Variants in SLC13A2 observed in about 807,000 individuals in gnomAD.
The protein encoded by SLC13A2 is solute carrier family 13 member 2.
Under a neutral mutation model 58.5 loss-of-function variants are expected in SLC13A2, and 40 were observed. The observed-to-expected ratio is 0.68, with a 90% CI of 0.53 to 0.89. The LOEUF is 0.89. Ranked by LOEUF, SLC13A2 falls within the 40% of genes least tolerant of loss-of-function variation. SLC13A2 has a pLI of 0.00. For synonymous variants in SLC13A2, 341 were observed against 331.6 expected, an observed-to-expected ratio of 1.03 and a Z score of -0.31; for missense variants, 694 against 772.6, an observed-to-expected ratio of 0.90 and a Z score of 1.21.
rs562463025 is a variant in SLC13A2 at position 28,477,990 on chromosome 17, G to A, written c.102+4176G>A. On this transcript the variant is annotated intron_variant, in intron 1 of 11. Coordinates refer to ENST00000314669, the MANE Select transcript of SLC13A2 (RefSeq NM_003984.4). ...GGAGAATCGCTTGAACCCGGGAGGC[G>A]GAGGTTGCAGTGAGCTGAGATTGTG... is the stretch of plus-strand genomic sequence containing the variant. Among the ~76,000 whole-genome samples, 9 of 152,154 alleles carry A rather than the reference G, an allele frequency of 5.9e-5. No homozygotes were observed. The South Asian group carries it at 8.3e-4, about 14-fold the overall frequency.
intron 6 of SLC13A2, among the ~76,000 whole-genome samples, chr17:28,492,932 C>T (rs1360593954): frequency 2.6e-5 from 4 of 152,030 alleles, no homozygotes; most frequent in African/African-American, 9.7e-5. Flanking sequence ...TGTAAGGAAG[C>T]TGGATTAAGG....
rs1488673295 is a variant in SLC13A2 at position 28,495,702 on chromosome 17, G to A, written c.1356G>A (p.Gln452=). 1.2e-6 allele frequency: 2 copies of A among 1,612,396 alleles called. No individual in the cohort carries two copies. The highest frequency in any genetic ancestry group is 1.7e-6 in the Non-Finnish European group (2 of 1,179,966). ...EWLGNKLTPL[Q]SVPAPAIAII... ...TGGGAAACAAGCTGACCCCACTGCAGAGTGTGCCAGCTCCAGCCATTGCCA... is the reference window on the plus strand; with the variant it reads ...TGGGAAACAAGCTGACCCCACTGCAAAGTGTGCCAGCTCCAGCCATTGCCA... Residue 452 remains glutamine (Q), a synonymous_variant, in exon 10 of 12, where the codon CAG becomes CAA. Coordinates refer to ENST00000314669, the MANE Select transcript of SLC13A2 (RefSeq NM_003984.4).
rs2069160291 is a variant in SLC13A2 at position 28,497,123 on chromosome 17, A to G, written c.1633A>G (p.Ile545Val). The change falls in exon 12 of 12, where the codon ATC becomes GTC. Residue 545 changes from isoleucine to valine, a missense_variant. Coordinates refer to ENST00000314669, the MANE Select transcript of SLC13A2 (RefSeq NM_003984.4). ...DMARAGFLLNIIGVLIIALAI... is the reference protein window; with the variant it reads ...DMARAGFLLNVIGVLIIALAI... ...GGCCCGGGCAGGATTCCTCCTCAAC[A>G]TCATTGGAGTCCTGATCATCGCACT... is the stretch of plus-strand genomic sequence containing the variant. 4 of 1,614,060 alleles carry G rather than the reference A, an allele frequency of 2.5e-6. No homozygotes were observed. The highest frequency in any genetic ancestry group is 1.7e-5 in the Admixed American group (1 of 60,018).
chr17:28,479,513 G>T (rs1445718069), intron 1 of SLC13A2, among the ~76,000 whole-genome samples: 1 of 152,174 alleles, frequency 6.6e-6, no homozygotes, highest in Admixed American at 6.5e-5. Context: ...CTCAGGGGTT[G>T]TTCAGCTAGT....
Position 28,496,733 on chromosome 17 carries a change from G to T in SLC13A2, c.1608+146G>T. ...GAATGAAGGTGCAGTTGGGGAGGTT[G>T]GGACATGACCTCTCAGTGGTGGCAT... On this transcript the variant is annotated intron_variant, in intron 11 of 11. Transcript: ENST00000314669. The surrounding 1 kb of genome is among the most constrained non-coding windows in gnomAD (Gnocchi z 4.2). The T allele has an allele frequency of 8.6e-7, 1 of 1,162,342 alleles. No homozygotes were observed. Among genetic ancestry groups the T allele is most frequent in the Non-Finnish European group, 1.2e-6 (1 of 840,660 alleles). 72.0% of individuals were successfully genotyped at this position (1,162,342 alleles called of 1,614,324 possible).
At chr17:28,475,028 C>T (rs1428717409) in intron 1 of SLC13A2, among the ~76,000 whole-genome samples, 5 of 152,172 alleles carry the variant, frequency 3.3e-5, no homozygotes, top group African/African-American at 1.2e-4. Flanking sequence ...TTTGAGATGA[C>T]CTTCATCTCA....
chr17:28,477,844 G>T (rs1217661173), intron 1 of SLC13A2, among the ~76,000 whole-genome samples: 4 of 151,910 alleles, frequency 2.6e-5, no homozygotes, highest in African/African-American at 9.7e-5. Flanking sequence ...GATCACCTGA[G>T]GTCAGGAGTT....
chr17:28,479,010 G>T (rs1051090497), intron 1 of SLC13A2, among the ~76,000 whole-genome samples: 2 of 152,112 alleles, frequency 1.3e-5, no homozygotes, highest in Admixed American at 6.5e-5. Flanking sequence ...TTGAGTTCAG[G>T]AGTTCAAGAC....
At chr17:28,487,480 C>T (rs2151454089) in intron 1 of SLC13A2, 1 of 917,780 alleles carries the variant, frequency 1.1e-6, no homozygotes, top group South Asian at 5.0e-5. Context: ...ATTTGAAGCA[C>T]ATAGAATATG....
chr17:28,494,176 C>A lies in SLC13A2; in HGVS notation c.1186+71C>A. ...GCCTTCAAGTATGTAATGTACCTTC[C>A]ACCACACTTGGCAGGAGTAGGCAAA... On this transcript the variant is annotated intron_variant, in intron 8 of 11. Transcript: ENST00000314669. The surrounding 1 kb of genome is among the most constrained non-coding windows in gnomAD (Gnocchi z 4.0). 1 of 1,510,278 alleles carries A rather than the reference C, an allele frequency of 6.6e-7. No homozygotes were observed. The highest frequency in any genetic ancestry group is 9.2e-7 in the Non-Finnish European group (1 of 1,088,576). 93.6% of individuals were successfully genotyped at this position (1,510,278 alleles called of 1,614,324 possible).
rs1366987308 is a variant in SLC13A2 at position 28,496,803 on chromosome 17, G to T, written c.1608+216G>T. 6.6e-6 allele frequency among the ~76,000 whole-genome samples: 1 copy of T among 152,202 alleles called. No homozygotes were observed. The highest frequency in any genetic ancestry group is 2.4e-5 in the African/African-American group (1 of 41,444). On this transcript the variant is annotated intron_variant, in intron 11 of 11. Transcript: ENST00000314669. This position sits in a 1 kb window ranked among gnomAD's most constrained non-coding sequence, Gnocchi z 4.2. ...CAGGCTATGTGAGAGGGAGGGAAGT[G>T]GGTGGGGAACATGGGGAAGGCTCCA...
chr17:28,477,490 G>T lies in SLC13A2; in HGVS notation c.102+3676G>T, dbSNP rs141278813. 7.9e-3 allele frequency among the ~76,000 whole-genome samples: 1,190 copies of T among 151,058 alleles called. 19 individuals carry two copies. Among genetic ancestry groups the T allele is most frequent in the African/African-American group, 0.028 (1,144 of 41,224 alleles). ...ATTACAGGCGTGAGCCACCATGCCC[G>T]GCCACCCCCAACTTTTTGAATGAAG... On this transcript the variant is annotated intron_variant, in intron 1 of 11. Coordinates refer to ENST00000314669, the MANE Select transcript of SLC13A2 (RefSeq NM_003984.4).
chr17:28,477,704 G>A (rs1295926346), intron 1 of SLC13A2, among the ~76,000 whole-genome samples: 2 of 152,210 alleles, frequency 1.3e-5, no homozygotes, highest in Non-Finnish European at 2.9e-5. Context: ...TTATGTGCTT[G>A]ACATTATGCC....
rs781888887 is a variant in SLC13A2 at position 28,473,725 on chromosome 17, T to C, written c.13T>C (p.Trp5Arg). 5.0e-6 allele frequency: 8 copies of C among 1,613,908 alleles called. No homozygotes were observed. Among genetic ancestry groups the C allele is most frequent in the Non-Finnish European group, 5.9e-6 (7 of 1,179,942 alleles). The change falls in exon 1 of 12, where the codon TGG becomes CGG. Residue 5 changes from tryptophan to arginine, a missense_variant. By Grantham distance (101) the Trp-to-Arg change is moderately radical. Coordinates refer to ENST00000314669, the MANE Select transcript of SLC13A2 (RefSeq NM_003984.4). ...GCTGCTCCACACCATGGCCACCTGCTGGCAGGCCCTGTGGGCCTATCGCTC... is the reference window on the plus strand; with the variant it reads ...GCTGCTCCACACCATGGCCACCTGCCGGCAGGCCCTGTGGGCCTATCGCTC... MATCWQALWAYRSYL... is the reference protein window; with the variant it reads MATCRQALWAYRSYL...
At chr17:28,479,258 G>A (rs2068741651) in intron 1 of SLC13A2, among the ~76,000 whole-genome samples, 1 of 152,194 alleles carries the variant, frequency 6.6e-6, no homozygotes, top group South Asian at 2.1e-4. Flanking sequence ...TCTGGGTAAA[G>A]AGCCATCCAG....
intron 6 of SLC13A2, among the ~76,000 whole-genome samples, chr17:28,492,500 G>T (rs1555603722): frequency 1.3e-5 from 2 of 152,234 alleles, no homozygotes; most frequent in Non-Finnish European, 1.5e-5. Context: ...ATTGCACAAA[G>T]CACAGAGGCA....
Position 28,496,611 on chromosome 17 carries a change from G to A in SLC13A2, c.1608+24G>A, listed in dbSNP as rs782777856. On this transcript the variant is annotated intron_variant, in intron 11 of 11. Transcript: ENST00000314669. This position sits in a 1 kb window ranked among gnomAD's most constrained non-coding sequence, Gnocchi z 4.2. ...TGGTAAGTGGCAGGGAGGCCTGAAT[G>A]CCTCATCCCTCCTTCCTGCTCTGAC... 1 of 1,599,176 alleles carries A rather than the reference G, an allele frequency of 6.3e-7. No homozygotes were observed. The highest frequency in any genetic ancestry group is 1.7e-5 in the Admixed American group (1 of 58,880).
intron 1 of SLC13A2, among the ~76,000 whole-genome samples, chr17:28,477,407 G>T (rs565316972): frequency 2.0e-4 from 31 of 151,788 alleles, no homozygotes; most frequent in Non-Finnish European, 2.6e-4. Flanking sequence ...TGTTAGCCAG[G>T]ATGGTCTTGA....
At chr17:28,486,666 G>A (rs2068887971) in intron 1 of SLC13A2, among the ~76,000 whole-genome samples, 1 of 152,102 alleles carries the variant, frequency 6.6e-6, no homozygotes, top group Non-Finnish European at 1.5e-5. Flanking sequence ...CCTGGGTCAG[G>A]TACTCTCGGG....
Sources: allele counts gnomAD v4.1 joint callset (sites outside exome capture counted in the v4.1 genomes callset), GRCh38; gene constraint gnomAD v4.1.1; non-coding constraint Gnocchi (gnomAD v3.1); transcripts MANE v1.5; gene names NCBI Gene and HGNC (gene_info 2026-07-23, HGNC 2026-07-21).